Variants in SCAPER observed in about 807,000 individuals in gnomAD.
SCAPER encodes S phase cyclin A-associated protein in the endoplasmic reticulum.
In SCAPER, 98 loss-of-function variants were observed where a neutral mutation model predicts 182.2. The observed-to-expected ratio is 0.54, with a 90% confidence interval of 0.46 to 0.64. The LOEUF (loss-of-function observed/expected upper bound fraction) is 0.64, where lower values mean the gene tolerates loss of function less well. SCAPER is among the 30% of genes least tolerant of loss of function. The pLI, the probability that SCAPER is intolerant of heterozygous loss-of-function variation, is 0.00. For synonymous variants in SCAPER, 605 were observed against 564.6 expected, an observed-to-expected ratio of 1.07 and a Z score of -1.01; for missense variants, 1,432 against 1,690.0, an observed-to-expected ratio of 0.85 and a Z score of 2.68.
intron 28 of SCAPER, among the ~76,000 whole-genome samples, chr15:76,378,362 C>A (rs1025484654): frequency 6.6e-6 from 1 of 152,150 alleles, no homozygotes; most frequent in Non-Finnish European, 1.5e-5. Flanking sequence ...TTCCTTCTTT[C>A]CACTTAAAAT....
At chr15:76,506,087 C>T (rs1453003718) in intron 23 of SCAPER, among the ~76,000 whole-genome samples, 1 of 151,130 alleles carries the variant, frequency 6.6e-6, no homozygotes, top group African/African-American at 2.4e-5. Context: ...AGGATGGGTA[C>T]CAGAGACTGA....
intron 15 of SCAPER, among the ~76,000 whole-genome samples, chr15:76,739,668 A>G (rs183179243): frequency 2.8e-4 from 42 of 152,282 alleles, no homozygotes; most frequent in African/African-American, 8.9e-4. Context: ...TTATTTCTAG[A>G]TTTTCCATTT....
intron 15 of SCAPER, among the ~76,000 whole-genome samples, chr15:76,741,834 G>A (rs280025): frequency 0.86 from 130,471 of 152,122 alleles, 56,959 homozygotes; most frequent in East Asian, 0.96. Context: ...ATGGTGAGCT[G>A]ATGAGTTCCA....
intron 2 of SCAPER, among the ~76,000 whole-genome samples, chr15:76,868,485 C>T (rs935107376): frequency 2.6e-5 from 4 of 151,746 alleles, no homozygotes; most frequent in African/African-American, 9.7e-5. Flanking sequence ...AATCAACATA[C>T]AAAAACCAAC....
At chr15:76,704,060 A>G (rs1044286356) in intron 18 of SCAPER, among the ~76,000 whole-genome samples, 7 of 152,228 alleles carry the variant, frequency 4.6e-5, no homozygotes, top group Non-Finnish European at 8.8e-5. Context: ...TCAGTTTATC[A>G]TAATCTCCCA....
chr15:76,864,553 ATATGTGAAGAAAAAGCAATACATTATTT>A (rs2072123653), intron 2 of SCAPER, among the ~76,000 whole-genome samples: 2 of 152,308 alleles, frequency 1.3e-5, no homozygotes, highest in East Asian at 3.9e-4. Flanking sequence ...CTTTTGGGGA[ATATGTGAAGAAAAAGCAATACATTATTT>A]TCAAATGAAG....
intron 23 of SCAPER, among the ~76,000 whole-genome samples, chr15:76,550,514 G>A (rs377503277): frequency 1.3e-5 from 2 of 152,170 alleles, no homozygotes; most frequent in African/African-American, 4.8e-5. Flanking sequence ...TCCCTGCAAA[G>A]GACATGATCT....
intron 29 of SCAPER, among the ~76,000 whole-genome samples, chr15:76,369,970 T>C (rs993824500): frequency 6.6e-6 from 1 of 152,194 alleles, no homozygotes; most frequent in Non-Finnish European, 1.5e-5. Flanking sequence ...TGCTTATAAG[T>C]GTCCGTCATT....
At chr15:76,758,457 T>C (rs1408322478) in intron 14 of SCAPER, among the ~76,000 whole-genome samples, 3 of 152,212 alleles carry the variant, frequency 2.0e-5, no homozygotes, top group Non-Finnish European at 2.9e-5. Context: ...TATGTTTGTA[T>C]GCTAGTGCCA....
At position 76,404,617 on chromosome 15, in the gene SCAPER, G is replaced by A. The variant is rs1340481754; in HGVS notation, c.3374C>T (p.Pro1125Leu). Residue 1125 changes from proline to leucine, a missense_variant, in exon 27 of 32, where the codon CCA becomes CTA. Pro to Leu is a moderately conservative substitution (Grantham distance 98, BLOSUM62 -3). Coordinates refer to ENST00000563290, the MANE Select transcript of SCAPER (RefSeq NM_020843.4). The part of the protein sequence containing the change: ...LCACFLSVQG[P>L]VDENPKMAIF... ...GGCCATCTTGGGATTCTCATCCACTGGGCCTTGCACCGAGAGGAAGCAGGC... is the reference window on the plus strand; with the variant it reads ...GGCCATCTTGGGATTCTCATCCACTAGGCCTTGCACCGAGAGGAAGCAGGC... 2 of 1,613,432 alleles carry A rather than the reference G, an allele frequency of 1.2e-6. No homozygotes were observed. Among genetic ancestry groups the A allele is most frequent in the South Asian group, 2.2e-5 (2 of 91,034 alleles).
chr15:76,469,958 A>G (rs1291249374), intron 25 of SCAPER, among the ~76,000 whole-genome samples: 5 of 151,774 alleles, frequency 3.3e-5, no homozygotes, highest in African/African-American at 4.8e-5. Context: ...ACAAAATCAT[A>G]TATAATGTAG....
Position 76,564,054 on chromosome 15 carries a change from A to G in SCAPER, c.2838+10104T>C, listed in dbSNP as rs144811792. On this transcript the variant is annotated intron_variant, in intron 23 of 31. Coordinates refer to ENST00000563290, the MANE Select transcript of SCAPER (RefSeq NM_020843.4). ...GCCATCTACGACAAACCCACAGCCA[A>G]CATCATACTGACTGGGCAAAAGCTG... 5.1e-4 allele frequency among the ~76,000 whole-genome samples: 77 copies of G among 152,308 alleles called. 1 individual carries two copies. The highest frequency in any genetic ancestry group is 1.7e-3 in the African/African-American group (72 of 41,574).
At position 76,450,242 on chromosome 15, in the gene SCAPER, G is replaced by T. The variant is rs552470786; in HGVS notation, c.3079-15932C>A. On this transcript the variant is annotated intron_variant, in intron 25 of 31. Transcript: ENST00000563290. ...AGTGGAAGAAAGTGAATTAAATTAC[G>T]TTCACTTAAAATATAAGGAAAGCAA... Among the ~76,000 whole-genome samples, 4 of 152,204 alleles carry T rather than the reference G, an allele frequency of 2.6e-5. No homozygotes were observed. In the South Asian group the frequency reaches 8.3e-4, roughly 32 times the overall value.
chr15:76,871,469 A>AAT (rs2072727546), intron 2 of SCAPER, among the ~76,000 whole-genome samples: 2 of 151,634 alleles, frequency 1.3e-5, no homozygotes, highest in Admixed American at 6.6e-5. Flanking sequence ...TAAATAAATA[A>AAT]CACAGTCACC....
chr15:76,659,660 C>A (rs1198299872), intron 21 of SCAPER, among the ~76,000 whole-genome samples: 1 of 152,148 alleles, frequency 6.6e-6, no homozygotes, highest in Non-Finnish European at 1.5e-5. Flanking sequence ...AAATGGAAAT[C>A]AAAACCATAA....
intron 23 of SCAPER, among the ~76,000 whole-genome samples, chr15:76,510,894 C>G (rs553877128): frequency 2.0e-5 from 3 of 150,782 alleles, no homozygotes; most frequent in Non-Finnish European, 4.4e-5. Flanking sequence ...TGTGTGCGCG[C>G]GCGCACGTAT....
At chr15:76,815,848 A>G (rs372272405) in intron 5 of SCAPER, among the ~76,000 whole-genome samples, 3 of 152,234 alleles carry the variant, frequency 2.0e-5, no homozygotes, top group East Asian at 1.9e-4. Flanking sequence ...TGTCTTCCAC[A>G]AAAACAGTCC....
chr15:76,586,246 T>C (rs930747782), intron 22 of SCAPER, among the ~76,000 whole-genome samples: 10 of 152,182 alleles, frequency 6.6e-5, no homozygotes, highest in African/African-American at 2.4e-4. Context: ...AGATACTTGG[T>C]CCATTTAGGA....
intron 22 of SCAPER, among the ~76,000 whole-genome samples, chr15:76,584,059 A>G (rs902020398): frequency 6.6e-6 from 1 of 152,234 alleles, no homozygotes; most frequent in African/African-American, 2.4e-5. Flanking sequence ...AAAATGTAGT[A>G]TATGTACAGA....
Sources: allele counts gnomAD v4.1 joint callset (sites outside exome capture counted in the v4.1 genomes callset), GRCh38; gene constraint gnomAD v4.1.1; transcripts MANE v1.5; gene names NCBI Gene and HGNC (gene_info 2026-07-23, HGNC 2026-07-21).